Variants in LENG8 observed in about 807,000 individuals in gnomAD.
LENG8 encodes the protein leukocyte receptor cluster member 8, also known as leukocyte receptor cluster (LRC) member 8.
In LENG8, 28 loss-of-function variants were observed where a neutral mutation model predicts 102.1. The ratio of observed to expected loss-of-function variants is 0.27; its 90% CI spans 0.20 to 0.38. LENG8 has a LOEUF of 0.38. Ranked by LOEUF, LENG8 falls within the 10% of genes least tolerant of loss-of-function variation. The probability of loss-of-function intolerance (pLI) is 1.00; values close to 1 mark genes in which losing one functional copy is unlikely to be tolerated. For synonymous variants in LENG8, 531 were observed against 456.7 expected, an observed-to-expected ratio of 1.16 and a Z score of -2.07; for missense variants, 1,022 against 1,113.9, an observed-to-expected ratio of 0.92 and a Z score of 1.17.
intron 15 of LENG8, 178 bp from the exon 16 acceptor site, chr19:54,460,588 C>CT: frequency 7.1e-7 from 1 of 1,411,648 alleles, no homozygotes; most frequent in South Asian, 1.5e-5. Context: ...GTCACTAACC[C>CT]CCCCCGGGCC....
chr19:54,457,141 G>A (rs2084292820), intron 11 of LENG8, among the ~76,000 whole-genome samples: 2 of 152,264 alleles, frequency 1.3e-5, no homozygotes, highest in African/African-American at 2.4e-5. Context: ...CCGGCGAATC[G>A]CTTGACCTCT....
rs1439067196 is a variant in LENG8, at chr19:54,458,883, C to G, written c.2240+362C>G. ...AACCCTGAGGTCTCTGCTTTCTCAG[C>G]TTGTCGCTGTGCTCCCACCATAGAG... is the stretch of plus-strand genomic sequence containing the variant. On this transcript the variant is annotated intron_variant, in intron 15 of 15. Transcript: ENST00000326764. 4 of 1,548,248 alleles carry G rather than the reference C, an allele frequency of 2.6e-6. No individual in the cohort carries two copies. In the South Asian group the frequency reaches 3.6e-5, roughly 14 times the overall value.
chr19:54,451,670 C>T (rs1046911809), intron 2 of LENG8, among the ~76,000 whole-genome samples: 17 of 152,320 alleles, frequency 1.1e-4, no homozygotes, highest in South Asian at 6.2e-4. Flanking sequence ...TCCCAACACT[C>T]AATACACAGT....
In LENG8 at chr19:54,452,637, C is replaced by CTG; in HGVS notation, c.214-13_214-12insGT. The CTG allele has an allele frequency of 6.8e-7, 1 of 1,470,122 alleles. No individual in the cohort carries two copies. Among genetic ancestry groups the CTG allele is most frequent in the Non-Finnish European group, 9.0e-7 (1 of 1,116,132 alleles). 91.1% of individuals were successfully genotyped at this position (1,470,122 alleles called of 1,614,324 possible). A position where few individuals can be genotyped will look rare whatever the true frequency, so the allele number is the denominator to read the frequency against. ...TTTGGGCTGCTGACGGCACATGTGC[C>CTG]TCTGCTTCCACAGTACGTGTCCCAG... is the stretch of plus-strand genomic sequence containing the variant. On this transcript the variant is annotated splice_polypyrimidine_tract_variant and intron_variant, in intron 3 of 15. Transcript: ENST00000326764.
chr19:54,460,739 C>T, intron 15 of LENG8, 27 bp from the exon 16 acceptor site: 2 of 1,458,750 alleles, frequency 1.4e-6, no homozygotes, highest in South Asian at 1.5e-5. Context: ...CCGCCCGCCT[C>T]ATCACCTTCT....
Position 54,460,935 on chromosome 19 carries a change from A to G in LENG8, c.*7A>G, listed in dbSNP as rs759869820. ...GCAGCTGTCAGCCTTCTGAGCACCC[A>G]GCGAGGAGGGGCGGGGGCAGGGGCT... On this transcript the variant is annotated 3_prime_UTR_variant, in exon 16 of 16. Coordinates refer to ENST00000326764, the MANE Select transcript of LENG8 (RefSeq NM_052925.4). 11 of 1,544,180 alleles carry G rather than the reference A, an allele frequency of 7.1e-6. No homozygotes were observed. Among genetic ancestry groups the G allele is most frequent in the Admixed American group, 2.0e-5 (1 of 51,182 alleles).
chr19:54,458,842 C>T, intron 15 of LENG8: 1 of 1,550,808 alleles, frequency 6.4e-7, no homozygotes, highest in Non-Finnish European at 8.7e-7. Context: ...TCACTCCTTG[C>T]CCTGGGCTTC....
chr19:54,460,429 A>G, intron 15 of LENG8: 3 of 1,257,310 alleles, frequency 2.4e-6, no homozygotes, highest in South Asian at 1.6e-5. Context: ...CAGCCCCGCC[A>G]TCCCCATCCC....
chr19:54,460,241 T>C, intron 15 of LENG8: 1 of 1,283,652 alleles, frequency 7.8e-7, no homozygotes, highest in Non-Finnish European at 1.0e-6. Context: ...TTCAGGGAGC[T>C]CTGAGGACCT....
chr19:54,454,908 G>A (rs575193430), intron 6 of LENG8, 43 bp from the exon 7 acceptor site: 2 of 1,612,672 alleles, frequency 1.2e-6, no homozygotes, highest in Non-Finnish European at 1.7e-6. Context: ...ACCCCTGGAT[G>A]TGCCGGGGAA....
At position 54,461,159 on chromosome 19, in the gene LENG8, G is replaced by A. The variant is rs1008168248; in HGVS notation, c.*231G>A. 3.7e-5 allele frequency: 26 copies of A among 708,710 alleles called. No individual in the cohort carries two copies. The highest frequency in any genetic ancestry group is 2.3e-4 in the Middle Eastern group (1 of 4,382). 43.9% of individuals were successfully genotyped at this position (708,710 alleles called of 1,614,324 possible). On this transcript the variant is annotated 3_prime_UTR_variant, in exon 16 of 16. Transcript: ENST00000326764. Reference sequence around the variant, plus strand: ...GATTGGGGAGGAGGGGATGGGCAGCGGAGGGTTGGGGGCATGGTCTGCAGG... The same window carrying A: ...GATTGGGGAGGAGGGGATGGGCAGCAGAGGGTTGGGGGCATGGTCTGCAGG...
At chr19:54,460,612 T>A in intron 15 of LENG8, 154 bp from the exon 16 acceptor site, 19 of 1,394,788 alleles carry the variant, frequency 1.4e-5, no homozygotes, top group East Asian at 5.4e-5. Context: ...CCCGAGCCCC[T>A]GAGGTGGGGA....
chr19:54,454,289 C>T (rs534290999), intron 5 of LENG8, 141 bp from the exon 6 acceptor site: 42 of 767,574 alleles, frequency 5.5e-5, no homozygotes, highest in Non-Finnish European at 7.6e-5. Flanking sequence ...ACTGAGGACT[C>T]GAATGAACTC....
intron 15 of LENG8, chr19:54,458,749 C>T: frequency 6.4e-7 from 1 of 1,551,302 alleles, no homozygotes; most frequent in East Asian, 2.4e-5. Context: ...CCCCACTGTT[C>T]CCAGCTCACT....
rs370893666 is a variant in LENG8 at position 54,455,659 on chromosome 19, C to G, written c.1025+92C>G. On this transcript the variant is annotated intron_variant, in intron 8 of 15. Coordinates refer to ENST00000326764, the MANE Select transcript of LENG8 (RefSeq NM_052925.4). ...TAGGAGAGTTGCGGGTCCCAGGTAC[C>G]AGGAGCTCCAAAGAGAAATGAACTG... The G allele has an allele frequency of 1.1e-5, 13 of 1,184,604 alleles. No homozygotes were observed. The East Asian group carries it at 2.0e-4, about 19-fold the overall frequency. The allele number at this position is 1,184,604 out of a possible 1,614,324, so 73.4% of individuals were successfully genotyped here.
rs569111640 is a variant in LENG8 at position 54,460,202 on chromosome 19, A to G, written c.2241-564A>G. The stretch of plus-strand genomic sequence containing the variant: ...TGCCTGGGTTCCTGTGTGTGTGGAA[A>G]GGGTAGGGCTGCACCCTGTGGAAGA... On this transcript the variant is annotated intron_variant, in intron 15 of 15. Coordinates refer to ENST00000326764, the MANE Select transcript of LENG8 (RefSeq NM_052925.4). 337 of 1,289,910 alleles carry G rather than the reference A, an allele frequency of 2.6e-4. 3 individuals are homozygous for G. In the African/African-American group the frequency reaches 4.6e-3, roughly 17 times the overall value. The allele number at this position is 1,289,910 out of a possible 1,614,324, so 79.9% of individuals were successfully genotyped here.
chr19:54,454,899 C>T (rs2084143774), intron 6 of LENG8, 52 bp from the exon 7 acceptor site: 4 of 1,611,010 alleles, frequency 2.5e-6, no homozygotes, highest in East Asian at 4.5e-5. Context: ...CCCCTGGGGA[C>T]CCCTGGATGT....
At chr19:54,460,528 C>T in intron 15 of LENG8, 1 of 1,401,950 alleles carries the variant, frequency 7.1e-7, no homozygotes, top group Non-Finnish European at 9.3e-7. Context: ...CCCGCTCCTC[C>T]CTGGCCCCCG....
chr19:54,453,512 T>A, intron 4 of LENG8, 34 bp from the exon 5 acceptor site: 1 of 1,473,152 alleles, frequency 6.8e-7, no homozygotes. Context: ...AGGGTAGGCC[T>A]CCCACTAAAC....
Sources: allele counts gnomAD v4.1 joint callset (sites outside exome capture counted in the v4.1 genomes callset), GRCh38; gene constraint gnomAD v4.1.1; transcripts MANE v1.5; gene names NCBI Gene and HGNC (gene_info 2026-07-23, HGNC 2026-07-21).